ROBO2: variants seen among roughly 807,000 people sequenced by gnomAD.
The protein encoded by ROBO2 is roundabout homolog 2.
A neutral mutation model predicts 160.8 loss-of-function variants in ROBO2; 53 were observed. That is an observed-to-expected ratio of 0.33 (90% CI 0.26 to 0.41). The LOEUF (loss-of-function observed/expected upper bound fraction) is 0.41, where lower values mean the gene tolerates loss of function less well. ROBO2 is among the 10% of genes least tolerant of loss of function. The probability of loss-of-function intolerance (pLI) is 1.00; values close to 1 mark genes in which losing one functional copy is unlikely to be tolerated. For synonymous variants in ROBO2, 664 were observed against 611.7 expected, an observed-to-expected ratio of 1.09 and a Z score of -1.26; for missense variants, 1,577 against 1,722.4, an observed-to-expected ratio of 0.92 and a Z score of 1.49.
At chr3:76,660,758 G>A (rs1193919748) in intron 2 of ROBO2, among the ~76,000 whole-genome samples, 3 of 152,058 alleles carry the variant, frequency 2.0e-5, no homozygotes, top group Admixed American at 1.3e-4. Context: ...TATTTTATGA[G>A]CTAATGATTT....
chr3:76,195,678 A>G (rs1264642919), intron 2 of ROBO2, among the ~76,000 whole-genome samples: 2 of 152,208 alleles, frequency 1.3e-5, no homozygotes, highest in Non-Finnish European at 1.5e-5. Flanking sequence ...GGAGACATCA[A>G]GTTAAACAGT....
intron 2 of ROBO2, among the ~76,000 whole-genome samples, chr3:76,834,686 A>G (rs758447671): frequency 1.3e-5 from 2 of 152,122 alleles, no homozygotes; most frequent in South Asian, 2.1e-4. Context: ...ATTTTTTTGT[A>G]GAAACATTGT....
intron 2 of ROBO2, among the ~76,000 whole-genome samples, chr3:76,754,492 G>A (rs1222092780): frequency 6.6e-6 from 1 of 151,838 alleles, no homozygotes; most frequent in Non-Finnish European, 1.5e-5. Context: ...TTATGTTCTA[G>A]TGTGCCTGGA....
chr3:77,036,741 G>C (rs1238333545), upstream of ROBO2, among the ~76,000 whole-genome samples: 1 of 151,900 alleles, frequency 6.6e-6, no homozygotes, highest in South Asian at 2.1e-4. Context: ...TTTATATTTA[G>C]AAAGACATTG....
intron 2 of ROBO2, among the ~76,000 whole-genome samples, chr3:76,215,640 C>A (rs147970309): frequency 2.0e-5 from 3 of 152,110 alleles, no homozygotes; most frequent in African/African-American, 7.2e-5. Context: ...AACAAAGACT[C>A]CAAGAAATAT....
chr3:77,011,507 C>T (rs1397779941), intron 2 of ROBO2, among the ~76,000 whole-genome samples: 1 of 151,944 alleles, frequency 6.6e-6, no homozygotes, highest in Non-Finnish European at 1.5e-5. Context: ...AGCTTGGCTT[C>T]TGCTTGACTT....
intron 2 of ROBO2, among the ~76,000 whole-genome samples, chr3:76,906,425 T>A (rs2075607231): frequency 6.6e-6 from 1 of 151,846 alleles, no homozygotes; most frequent in Non-Finnish European, 1.5e-5. Context: ...AAGTTCTTGA[T>A]TCATTAGGTT....
In ROBO2 at chr3:77,577,624, G is replaced by A. The variant is rs778927178; in HGVS notation, c.2328+10G>A. The A allele has an allele frequency of 4.1e-5, 66 of 1,612,864 alleles. No individual in the cohort carries two copies. Among genetic ancestry groups the A allele is most frequent in the South Asian group, 7.7e-5 (7 of 91,060 alleles). On this transcript the variant is annotated intron_variant, in intron 15 of 25. Transcript: ENST00000461745. ...TATCCAAGAATACAAGGTAGGACCC[G>A]GGTGAAGAAGGACAGCTCTCATGTA...
At chr3:76,331,727 C>T (rs756559900) in intron 2 of ROBO2, among the ~76,000 whole-genome samples, 14 of 148,662 alleles carry the variant, frequency 9.4e-5, no homozygotes, top group South Asian at 2.1e-4. Context: ...CTCACTCTGT[C>T]GCCCAGGCCT....
chr3:76,814,937 G>T (rs552790290), intron 2 of ROBO2, among the ~76,000 whole-genome samples: 1 of 152,094 alleles, frequency 6.6e-6, no homozygotes, highest in African/African-American at 2.4e-5. Context: ...TAGTACTGAG[G>T]ATTCCGATAA....
intron 2 of ROBO2, among the ~76,000 whole-genome samples, chr3:77,356,605 T>G (rs527862023): frequency 1.2e-3 from 189 of 152,314 alleles, no homozygotes; most frequent in African/African-American, 4.2e-3. Flanking sequence ...TGATTTAGCA[T>G]AAGTTTTACA....
chr3:76,808,697 G>C lies in ROBO2; in HGVS notation c.110-289317G>C, dbSNP rs2064932875. Among the ~76,000 whole-genome samples, 3 of 152,066 alleles carry C rather than the reference G, an allele frequency of 2.0e-5. No homozygotes were observed. In the South Asian group the frequency reaches 6.2e-4, roughly 31 times the overall value. ...AATGGAAAGTGGCTCAAATGTGGGTGTTAGAATCAGACCTGCAGAGAGCAG... is the reference window on the plus strand; with the variant it reads ...AATGGAAAGTGGCTCAAATGTGGGTCTTAGAATCAGACCTGCAGAGAGCAG... On this transcript the variant is annotated intron_variant, in intron 2 of 26. Transcript: ENST00000487694.
intron 2 of ROBO2, among the ~76,000 whole-genome samples, chr3:76,872,783 T>C (rs2072252515): frequency 1.3e-5 from 2 of 151,968 alleles, no homozygotes; most frequent in African/African-American, 4.8e-5. Flanking sequence ...ATATATTTAT[T>C]ATTAAGACTT....
chr3:76,965,861 T>C (rs1166903065), intron 2 of ROBO2, among the ~76,000 whole-genome samples: 2 of 146,544 alleles, frequency 1.4e-5, no homozygotes, highest in Non-Finnish European at 1.5e-5. Flanking sequence ...GAACCACCCA[T>C]ATCTATAAGT....
intron 2 of ROBO2, among the ~76,000 whole-genome samples, chr3:77,342,333 G>A (rs938747579): frequency 5.3e-5 from 8 of 152,154 alleles, no homozygotes; most frequent in Admixed American, 2.6e-4. Context: ...AGCGTAAGAT[G>A]TGTCAGCTCC....
intron 2 of ROBO2, among the ~76,000 whole-genome samples, chr3:77,146,370 G>A (rs1443584999): frequency 6.6e-6 from 1 of 152,196 alleles, no homozygotes; most frequent in African/African-American, 2.4e-5. Context: ...AAACTGGGAA[G>A]CCTGGTAACG....
chr3:77,526,160 C>T (rs994976944), intron 6 of ROBO2, among the ~76,000 whole-genome samples: 11 of 151,438 alleles, frequency 7.3e-5, no homozygotes, highest in African/African-American at 2.7e-4. Context: ...CTTTTCGTAC[C>T]ACTGCTACAA....
intron 2 of ROBO2, among the ~76,000 whole-genome samples, chr3:77,203,232 A>C (rs2151032145): frequency 6.6e-6 from 1 of 152,356 alleles, no homozygotes; most frequent in African/African-American, 2.4e-5. Context: ...TGATTTGTAA[A>C]ATATTTTTTG....
intron 2 of ROBO2, among the ~76,000 whole-genome samples, chr3:76,288,482 CT>C (rs202114094): frequency 1.1e-3 from 157 of 144,380 alleles, no homozygotes; most frequent in Middle Eastern, 3.6e-3. Flanking sequence ...CAGACTAGAT[CT>C]TTTTTTTTTT....
Sources: allele counts gnomAD v4.1 joint callset (sites outside exome capture counted in the v4.1 genomes callset), GRCh38; gene constraint gnomAD v4.1.1; transcripts MANE v1.5; gene names NCBI Gene and HGNC (gene_info 2026-07-23, HGNC 2026-07-21).